Variants in PPP2R5A observed in about 807,000 individuals in gnomAD.
PPP2R5A encodes serine/threonine-protein phosphatase 2A 56 kDa regulatory subunit alpha isoform.
PPP2R5A carries 25 observed loss-of-function variants against 64.2 expected under a neutral mutation model. That is an observed-to-expected ratio of 0.39 (90% CI 0.28 to 0.54). PPP2R5A has a LOEUF of 0.54. PPP2R5A is among the 20% of genes least tolerant of loss of function. PPP2R5A has a pLI of 0.67. For synonymous variants in PPP2R5A, 198 were observed against 201.2 expected (o/e 0.98, Z 0.13); for missense variants, 425 against 576.3 (o/e 0.74, Z 2.69).
chr1:212,308,906 G>T (rs1658971165), intron 1 of PPP2R5A: 1 of 434,398 alleles, frequency 2.3e-6, no homozygotes, highest in African/African-American at 2.0e-5. Flanking sequence ...TCAACTCCAG[G>T]ATTTTCATTT....
chr1:212,313,449 T>C (rs186554571), intron 1 of PPP2R5A, among the ~76,000 whole-genome samples: 48 of 152,334 alleles, frequency 3.2e-4, no homozygotes, highest in African/African-American at 1.1e-3. Flanking sequence ...CATATACTTA[T>C]CGGTCATTTA....
At chr1:212,335,309 CTA>C in intron 3 of PPP2R5A, among the ~76,000 whole-genome samples, 1 of 151,972 alleles carries the variant, frequency 6.6e-6, no homozygotes, top group Admixed American at 6.5e-5. Context: ...AACCCCATCT[CTA>C]CTAAAAATAC....
intron 8 of PPP2R5A, among the ~76,000 whole-genome samples, chr1:212,353,910 C>T (rs1217360167): frequency 2.0e-5 from 3 of 152,142 alleles, no homozygotes; most frequent in Admixed American, 6.5e-5. Context: ...ACGGGCCGGG[C>T]GCTGTGGCTC....
At chr1:212,343,968 A>G (rs551017354) in intron 4 of PPP2R5A, among the ~76,000 whole-genome samples, 14 of 152,198 alleles carry the variant, frequency 9.2e-5, no homozygotes, top group Admixed American at 2.6e-4. Context: ...GCTAGGGCCC[A>G]GTAATTGCTT....
intron 1 of PPP2R5A, among the ~76,000 whole-genome samples, chr1:212,297,058 C>T (rs2358448): frequency 0.17 from 24,940 of 145,988 alleles, 2,542 homozygotes; most frequent in Middle Eastern, 0.31. Context: ...AGAACCTTAT[C>T]AAGAGAAATA....
chr1:212,297,571 T>A (rs929991176), intron 1 of PPP2R5A: 1 of 152,218 alleles, frequency 6.6e-6, no homozygotes, highest in African/African-American at 2.4e-5. Flanking sequence ...ACCTTTAGAC[T>A]GTAGTATAGT....
At position 212,308,569 on chromosome 1, in the gene PPP2R5A, C is replaced by T. The variant is rs537358232; in HGVS notation, c.182-20566C>T. On this transcript the variant is annotated intron_variant, in intron 1 of 12. Coordinates refer to ENST00000261461, the MANE Select transcript of PPP2R5A (RefSeq NM_006243.4). ...GACTACAGGCACCTGCCACCATGCC[C>T]GGCTAATTTTTGTATTTTTAGTAGA... 2.0e-4 allele frequency among the ~76,000 whole-genome samples: 31 copies of T among 151,988 alleles called. 1 individual carries two copies. Among genetic ancestry groups the T allele is most frequent in the South Asian group, 1.7e-3 (8 of 4,816 alleles).
At chr1:212,344,990 C>G (rs1659748719) in intron 4 of PPP2R5A, among the ~76,000 whole-genome samples, 1 of 151,838 alleles carries the variant, frequency 6.6e-6, no homozygotes, top group Admixed American at 6.6e-5. Context: ...ATGGTGAAAC[C>G]CCGTCTCTAC....
At chr1:212,342,430 G>T in intron 4 of PPP2R5A, 150 bp downstream of exon 4, 1 of 1,103,912 alleles carries the variant, frequency 9.1e-7, no homozygotes, top group Admixed American at 3.2e-5. Flanking sequence ...TAAAAGTGAA[G>T]TTAGCTCTGA....
chr1:212,294,505 G>A (rs10863961), intron 1 of PPP2R5A, among the ~76,000 whole-genome samples: 35,614 of 151,966 alleles, frequency 0.23, 4,279 homozygotes, highest in Middle Eastern at 0.31. Flanking sequence ...TCTTTAAATT[G>A]GTCAGTGGCA....
intron 1 of PPP2R5A, among the ~76,000 whole-genome samples, chr1:212,307,295 A>G (rs894438266): frequency 2.0e-5 from 3 of 148,790 alleles, no homozygotes; most frequent in South Asian, 2.1e-4. Flanking sequence ...TGGGTTTATT[A>G]TATGCATTTT....
At chr1:212,345,201 C>A (rs1453546987) in intron 4 of PPP2R5A, among the ~76,000 whole-genome samples, 1 of 151,092 alleles carries the variant, frequency 6.6e-6, no homozygotes, top group Non-Finnish European at 1.5e-5. Flanking sequence ...ATCTTTTAGT[C>A]CAGTGTTATT....
chr1:212,304,971 G>A (rs971037817), intron 1 of PPP2R5A, among the ~76,000 whole-genome samples: 4 of 147,036 alleles, frequency 2.7e-5, no homozygotes, highest in Admixed American at 2.7e-4. Flanking sequence ...GACCTCATTA[G>A]CCACCCACCC....
At chr1:212,291,740 T>A (rs981634583) in intron 1 of PPP2R5A, among the ~76,000 whole-genome samples, 4 of 152,218 alleles carry the variant, frequency 2.6e-5, no homozygotes, top group African/African-American at 9.7e-5. Flanking sequence ...GATACTGCCA[T>A]TAGATTCTGG....
intron 1 of PPP2R5A, among the ~76,000 whole-genome samples, chr1:212,312,937 G>A (rs886327335): frequency 1.3e-5 from 2 of 152,102 alleles, no homozygotes; most frequent in Non-Finnish European, 2.9e-5. Flanking sequence ...AAAATGATTT[G>A]TTACATAAAT....
chr1:212,300,114 C>T (rs889708772), intron 1 of PPP2R5A, among the ~76,000 whole-genome samples: 24 of 152,094 alleles, frequency 1.6e-4, no homozygotes, highest in African/African-American at 5.1e-4. Flanking sequence ...CGCACCTGGC[C>T]CATAAAAAAT....
At chr1:212,296,378 A>G (rs549830159) in intron 1 of PPP2R5A, among the ~76,000 whole-genome samples, 2 of 152,370 alleles carry the variant, frequency 1.3e-5, no homozygotes, top group East Asian at 3.9e-4. Flanking sequence ...TACATTAACT[A>G]TATTCTTTAC....
intron 1 of PPP2R5A, among the ~76,000 whole-genome samples, chr1:212,327,068 A>G (rs1317370932): frequency 1.3e-5 from 2 of 152,216 alleles, no homozygotes; most frequent in Non-Finnish European, 2.9e-5. Context: ...TAATTTTACT[A>G]GCTTCCTGCC....
At chr1:212,296,223 C>G (rs560766427) in intron 1 of PPP2R5A, among the ~76,000 whole-genome samples, 6 of 151,988 alleles carry the variant, frequency 3.9e-5, no homozygotes, top group African/African-American at 1.2e-4. Context: ...AAGGAGTACA[C>G]TGGAGGGGGA....
Sources: allele counts gnomAD v4.1 joint callset (sites outside exome capture counted in the v4.1 genomes callset), GRCh38; gene constraint gnomAD v4.1.1; transcripts MANE v1.5; gene names NCBI Gene and HGNC (gene_info 2026-07-23, HGNC 2026-07-21).